The following ITFG1 variants were observed in gnomAD, a reference collection of about 807,000 sequenced individuals.
ITFG1 encodes the protein T-cell immunomodulatory protein.
ITFG1 carries 34 observed loss-of-function variants against 81.8 expected under a neutral mutation model. The observed-to-expected ratio is 0.42, with a 90% CI of 0.32 to 0.55. The LOEUF (loss-of-function observed/expected upper bound fraction) is 0.55. Among genes scored for constraint, ITFG1 ranks in the 20% least tolerant of loss-of-function variants. The pLI is 0.17. For missense variants in ITFG1, 672 were observed against 755.4 expected (o/e 0.89, Z 1.29); for synonymous variants, 285 against 270.6 (o/e 1.05, Z -0.52).
chr16:47,443,341 G>A (rs913621110), intron 5 of ITFG1, among the ~76,000 whole-genome samples: 7 of 152,140 alleles, frequency 4.6e-5, no homozygotes, highest in Admixed American at 2.0e-4. Context: ...TCAGTGTGGC[G>A]ATTCCTCAGG....
chr16:47,269,078 GTCC>G (rs1966308849), intron 10 of ITFG1, among the ~76,000 whole-genome samples: 1 of 152,158 alleles, frequency 6.6e-6, no homozygotes, highest in South Asian at 2.1e-4. Context: ...ACTGAATGCT[GTCC>G]TCCTAAGGTC....
intron 14 of ITFG1, among the ~76,000 whole-genome samples, chr16:47,197,279 T>C (rs1965369347): frequency 6.6e-6 from 1 of 152,200 alleles, no homozygotes; most frequent in African/African-American, 2.4e-5. Context: ...GGAAACCTGC[T>C]ACCTAGAGGT....
intron 10 of ITFG1, among the ~76,000 whole-genome samples, chr16:47,294,893 T>G (rs1443732946): frequency 6.6e-6 from 1 of 152,148 alleles, no homozygotes; most frequent in Non-Finnish European, 1.5e-5. Context: ...ACGTCCGGTA[T>G]TATTTAGAAT....
At chr16:47,324,874 C>A (rs990728063) in intron 8 of ITFG1, among the ~76,000 whole-genome samples, 1 of 152,146 alleles carries the variant, frequency 6.6e-6, no homozygotes, top group Non-Finnish European at 1.5e-5. Context: ...GACTCCCACA[C>A]AATAATAATG....
At chr16:47,265,432 C>G (rs941041620) in intron 10 of ITFG1, among the ~76,000 whole-genome samples, 6 of 151,852 alleles carry the variant, frequency 4.0e-5, no homozygotes, top group African/African-American at 1.5e-4. Flanking sequence ...AATCAACTGT[C>G]TAAACAAACA....
At chr16:47,382,680 G>A (rs1244485277) in intron 6 of ITFG1, among the ~76,000 whole-genome samples, 2 of 152,130 alleles carry the variant, frequency 1.3e-5, no homozygotes, top group Non-Finnish European at 2.9e-5. Context: ...GGAAACCACT[G>A]GCTTTATTTA....
At chr16:47,424,634 G>T (rs1433634912) in intron 6 of ITFG1, among the ~76,000 whole-genome samples, 1 of 152,124 alleles carries the variant, frequency 6.6e-6, no homozygotes, top group Non-Finnish European at 1.5e-5. Flanking sequence ...TGTCCTTTTT[G>T]TTCATGTTGA....
At chr16:47,314,602 T>C (rs1306815156) in intron 8 of ITFG1, among the ~76,000 whole-genome samples, 2 of 152,184 alleles carry the variant, frequency 1.3e-5, no homozygotes, top group African/African-American at 2.4e-5. Context: ...GTTACTGACA[T>C]TACTGAGGTG....
intron 2 of ITFG1, among the ~76,000 whole-genome samples, chr16:47,456,633 A>T (rs1969456896): frequency 6.6e-6 from 1 of 151,418 alleles, no homozygotes; most frequent in South Asian, 2.1e-4. Flanking sequence ...TGGAGGTTCC[A>T]GTGAGCTGAG....
chr16:47,207,090 A>AT lies in ITFG1; in HGVS notation c.1453+11777dup, dbSNP rs900933045. On this transcript the variant is annotated intron_variant, in intron 14 of 17. Coordinates refer to ENST00000320640, the MANE Select transcript of ITFG1 (RefSeq NM_030790.5). ...ACAAAGATCCTTGCTCTCTTATTTT[A>AT]TTTTTTTTTTGAGACGGAGTCTCGC... Among the ~76,000 whole-genome samples the AT allele has an allele frequency of 8.3e-4, 125 of 150,262 alleles. 1 individual carries two copies. The highest frequency in any genetic ancestry group is 2.6e-3 in the African/African-American group (107 of 41,026).
chr16:47,382,509 C>A (rs1596946483), intron 6 of ITFG1, among the ~76,000 whole-genome samples: 1 of 152,136 alleles, frequency 6.6e-6, no homozygotes, highest in Non-Finnish European at 1.5e-5. Flanking sequence ...ATCTCTAATT[C>A]AAGACGGTAC....
Position 47,162,548 on chromosome 16 carries a change from C to T in ITFG1, c.1570G>A (p.Gly524Arg), listed in dbSNP as rs778027864. ...HLYVGIPRPS[G>R]EKSIRKQEWT... ...AATGAATTTTTACTCACTTTTTCTC[C>T]AGATGGACGGGGAATACCAACGTAG... Residue 524 changes from glycine to arginine, a missense_variant, in exon 15 of 18, where the codon GGA becomes AGA. Gly to Arg is a moderately radical substitution (Grantham distance 125). Around this residue, in one of 3 missense-constraint regions of ITFG1, gnomAD observed 560 missense variants for 625.7 expected, o/e 0.90. Coordinates refer to ENST00000320640, the MANE Select transcript of ITFG1 (RefSeq NM_030790.5). 1 of 1,596,682 alleles carries T rather than the reference C, an allele frequency of 6.3e-7. No homozygotes were observed. The highest frequency in any genetic ancestry group is 8.5e-7 in the Non-Finnish European group (1 of 1,171,658).
At chr16:47,337,137 C>CAAAA (rs5816576) in intron 8 of ITFG1, among the ~76,000 whole-genome samples, 1 of 81,062 alleles carries the variant, frequency 1.2e-5, no homozygotes, top group African/African-American at 6.0e-5. Context: ...AACTCTGTCT[C>CAAAA]AAAAAAAAAA....
intron 10 of ITFG1, among the ~76,000 whole-genome samples, chr16:47,267,423 T>C (rs2939264): frequency 1 from 152,306 of 152,306 alleles, 76,153 homozygotes; most frequent in Non-Finnish European, 1. Flanking sequence ...GAAACAAAAA[T>C]TGAAAGAACT....
At chr16:47,321,154 GA>G (rs1567459120) in intron 8 of ITFG1, among the ~76,000 whole-genome samples, 1 of 152,166 alleles carries the variant, frequency 6.6e-6, no homozygotes, top group Non-Finnish European at 1.5e-5. Context: ...TAGCATAGAT[GA>G]GCTATAAATA....
Position 47,460,827 on chromosome 16 carries a change from C to G in ITFG1, c.208+11G>C. ...GACAGCGAACAGAGGGAGGGCCCGG[C>G]AAGCACTGACTTTCCCGCAGCACGA... On this transcript the variant is annotated intron_variant, in intron 1 of 17. Coordinates refer to ENST00000320640, the MANE Select transcript of ITFG1 (RefSeq NM_030790.5). 1 of 1,612,458 alleles carries G rather than the reference C, an allele frequency of 6.2e-7. No homozygotes were observed. Among genetic ancestry groups the G allele is most frequent in the Non-Finnish European group, 8.5e-7 (1 of 1,179,498 alleles).
At chr16:47,402,798 G>C (rs936525080) in intron 6 of ITFG1, among the ~76,000 whole-genome samples, 2 of 151,936 alleles carry the variant, frequency 1.3e-5, no homozygotes, top group African/African-American at 4.8e-5. Flanking sequence ...TCTTTGCATA[G>C]GACCAAAGAA....
intron 15 of ITFG1, 41 bp downstream of exon 15, chr16:47,162,499 A>G: frequency 2.0e-6 from 3 of 1,478,830 alleles, no homozygotes; most frequent in South Asian, 1.2e-5. Context: ...AGTGAATATT[A>G]AAACATAGAT....
intron 12 of ITFG1, 111 bp from the exon 13 acceptor site, chr16:47,238,119 C>A (rs954762993): frequency 4.3e-5 from 27 of 627,042 alleles, no homozygotes; most frequent in Non-Finnish European, 7.0e-5. Flanking sequence ...TAATCACAAG[C>A]AGAAACCAAT....
Sources: gnomAD v4.1 joint callset for allele counts (sites outside exome capture counted in the v4.1 genomes callset) on GRCh38, gnomAD v4.1.1 for gene constraint, gnomAD v4.1.1 regional missense constraint, MANE v1.5 for transcripts, NCBI Gene and HGNC (gene_info 2026-07-23, HGNC 2026-07-21) for gene names.